CENPK: variants seen among roughly 807,000 people sequenced by gnomAD.
The protein encoded by CENPK is SoxLZ/Sox6-binding protein Solt.
Under a neutral mutation model 40.9 loss-of-function variants are expected in CENPK, and 46 were observed. The observed-to-expected ratio is 1.13, with a 90% confidence interval of 0.89 to 1.44. CENPK has a LOEUF of 1.44. Ranked by LOEUF, CENPK falls within the 40% of genes most tolerant of loss-of-function variation. The pLI is 0.00. For synonymous variants in CENPK, 107 were observed against 104.4 expected (o/e 1.02, Z -0.15); for missense variants, 288 against 303.5 (o/e 0.95, Z 0.38).
At chr5:65,552,668 AG>A (rs1750298243) in intron 3 of CENPK, 119 bp from the exon 4 acceptor site, 1 of 512,710 alleles carries the variant, frequency 2.0e-6, no homozygotes, top group African/African-American at 2.0e-5. Context: ...CATCTGATGG[AG>A]AAGAGTTTAT....
intron 6 of CENPK, among the ~76,000 whole-genome samples, chr5:65,534,344 C>T (rs1023538282): frequency 6.6e-6 from 1 of 152,084 alleles, no homozygotes; most frequent in Admixed American, 6.6e-5. Flanking sequence ...AATCAAAGTT[C>T]CAGCTTTTTA....
chr5:65,518,395 T>A lies in CENPK; in HGVS notation c.*80A>T. 7.0e-7 allele frequency: 1 copy of A among 1,425,192 alleles called. No homozygotes were observed. Among genetic ancestry groups the A allele is most frequent in the Non-Finnish European group, 9.6e-7 (1 of 1,039,956 alleles). 88.3% of individuals were successfully genotyped at this position (1,425,192 alleles called of 1,614,324 possible). ...TATGCGCATTAATTTGCAAATAATGTTTTTTATCCAAATAGTCCTGTGGTT... is the reference window on the plus strand; with the variant it reads ...TATGCGCATTAATTTGCAAATAATGATTTTTATCCAAATAGTCCTGTGGTT... On this transcript the variant is annotated 3_prime_UTR_variant, in exon 11 of 11. Transcript: ENST00000396679.
chr5:65,547,831 A>T (rs941397382), intron 5 of CENPK, among the ~76,000 whole-genome samples: 3 of 151,906 alleles, frequency 2.0e-5, no homozygotes, highest in African/African-American at 4.8e-5. Flanking sequence ...CACCTGGCAA[A>T]TTTTTTATAT....
intron 6 of CENPK, among the ~76,000 whole-genome samples, chr5:65,530,586 G>A (rs1745616085): frequency 6.6e-6 from 1 of 152,134 alleles, no homozygotes; most frequent in Non-Finnish European, 1.5e-5. Flanking sequence ...CTGATCACAA[G>A]GGTTTCTATT....
chr5:65,562,965 G>A (rs533535825), intron 1 of CENPK, 133 bp downstream of exon 1: 8 of 187,574 alleles, frequency 4.3e-5, no homozygotes, highest in South Asian at 3.9e-4. Flanking sequence ...CGCGCGGGAA[G>A]CCGAGAAGAA....
chr5:65,521,726 G>C (rs786532), intron 9 of CENPK, among the ~76,000 whole-genome samples, 198 bp from the exon 10 acceptor site: 61,832 of 151,852 alleles, frequency 0.41, 12,937 homozygotes, highest in East Asian at 0.65. Flanking sequence ...TCAGCCTCCC[G>C]AGTAGCTGTG....
At chr5:65,499,653 TTTTTTTTTTTTTAA>T in the CENPK span, among the ~76,000 whole-genome samples, 4 of 106,370 alleles carry the variant, frequency 3.8e-5, no homozygotes, top group South Asian at 1.2e-3. Flanking sequence ...TATTAGATCT[TTTTTTTTTTTTTAA>T]TTTTTTTTTT....
intron 6 of CENPK, among the ~76,000 whole-genome samples, chr5:65,536,830 T>G (rs949597658): frequency 2.0e-5 from 3 of 152,204 alleles, no homozygotes; most frequent in African/African-American, 7.2e-5. Context: ...CCTGACCCAT[T>G]ATTTACATTT....
chr5:65,563,097 C>T lies in CENPK; in HGVS notation c.-142+1G>A. On this transcript the variant is annotated splice_donor_variant, in intron 1 of 10. Transcript: ENST00000396679. LOFTEE classifies it low-confidence loss of function (5UTR_SPLICE). ...ATCAACCTCCCCGGCCCAGGTCTTA[C>T]CATCACAGCGTCACAAACTCCAGGT... 1 of 554,178 alleles carries T rather than the reference C, an allele frequency of 1.8e-6. No individual in the cohort carries two copies. Among genetic ancestry groups the T allele is most frequent in the South Asian group, 2.2e-5 (1 of 45,708 alleles). 34.3% of individuals were successfully genotyped at this position (554,178 alleles called of 1,614,324 possible).
chr5:65,536,810 T>C (rs1220749573), intron 6 of CENPK, among the ~76,000 whole-genome samples: 1 of 152,220 alleles, frequency 6.6e-6, no homozygotes. Context: ...AACTGTCCTT[T>C]TTTCCCATTC....
chr5:65,561,432 A>C (rs1169437631), intron 2 of CENPK, 31 bp downstream of exon 2: 1 of 437,526 alleles, frequency 2.3e-6, no homozygotes, highest in African/African-American at 2.0e-5. Flanking sequence ...GAATAAAAAC[A>C]TATAGAAACA....
At chr5:65,504,314 G>C in the CENPK span, among the ~76,000 whole-genome samples, 2 of 151,864 alleles carry the variant, frequency 1.3e-5, no homozygotes, top group African/African-American at 4.8e-5. Flanking sequence ...AAATTAGCCG[G>C]ACTTGGTGGC....
At chr5:65,500,159 T>C in the CENPK span, among the ~76,000 whole-genome samples, 3 of 46,924 alleles carry the variant, frequency 6.4e-5, no homozygotes, top group African/African-American at 2.5e-4. Flanking sequence ...AGCAGCATGA[T>C]TTATAGTCCT....
the CENPK span, among the ~76,000 whole-genome samples, chr5:65,508,770 A>G: frequency 4.1e-5 from 6 of 146,564 alleles, no homozygotes; most frequent in African/African-American, 1.5e-4. Context: ...TGGGTGCGAC[A>G]GAGCAAGACT....
At chr5:65,505,897 A>G in the CENPK span, among the ~76,000 whole-genome samples, 2 of 151,850 alleles carry the variant, frequency 1.3e-5, no homozygotes, top group Non-Finnish European at 2.9e-5. Context: ...CATAATTTTT[A>G]CCTCTTAGTC....
chr5:65,533,748 A>T (rs1746328050), intron 6 of CENPK, among the ~76,000 whole-genome samples: 1 of 152,160 alleles, frequency 6.6e-6, no homozygotes, highest in East Asian at 1.9e-4. Context: ...AATAAATAAA[A>T]ATTGAAATTT....
At chr5:65,537,683 T>C (rs1033837389) in intron 6 of CENPK, among the ~76,000 whole-genome samples, 1 of 152,212 alleles carries the variant, frequency 6.6e-6, no homozygotes, top group Non-Finnish European at 1.5e-5. Flanking sequence ...CAGCAGTTTT[T>C]TGTGGCGGGC....
chr5:65,511,684 G>T, the CENPK span, among the ~76,000 whole-genome samples: 1 of 152,184 alleles, frequency 6.6e-6, no homozygotes, highest in African/African-American at 2.4e-5. Flanking sequence ...AGCAGCATTA[G>T]ATTCTTACAG....
At chr5:65,551,478 G>A in intron 5 of CENPK, 86 bp downstream of exon 5, 1 of 745,356 alleles carries the variant, frequency 1.3e-6, no homozygotes. Flanking sequence ...AAGGCCAAAT[G>A]GATCTTGTAA....
Sources: allele counts gnomAD v4.1 joint callset (sites outside exome capture counted in the v4.1 genomes callset), GRCh38; gene constraint gnomAD v4.1.1; transcripts MANE v1.5; gene names NCBI Gene and HGNC (gene_info 2026-07-23, HGNC 2026-07-21).